The following FSTL4 variants were observed in gnomAD, a reference collection of about 807,000 sequenced individuals.
FSTL4 encodes follistatin-related protein 4.
Under a neutral mutation model 78.2 loss-of-function variants are expected in FSTL4, and 28 were observed. The ratio of observed to expected loss-of-function variants is 0.36; its 90% CI spans 0.27 to 0.49. The LOEUF is 0.49. FSTL4 is among the 20% of genes least tolerant of loss of function. The pLI is 0.98. For synonymous variants in FSTL4, 422 were observed against 440.5 expected (o/e 0.96, Z 0.53); for missense variants, 922 against 1,084.9 (o/e 0.85, Z 2.11).
chr5:133,319,730 C>G (rs932446259), intron 4 of FSTL4, among the ~76,000 whole-genome samples: 3 of 152,322 alleles, frequency 2.0e-5, no homozygotes, highest in East Asian at 1.9e-4. Flanking sequence ...ACTGAGGGCA[C>G]TCCATGCCTG....
intron 3 of FSTL4, among the ~76,000 whole-genome samples, chr5:133,475,324 C>A (rs897237597): frequency 3.9e-5 from 6 of 152,164 alleles, no homozygotes; most frequent in Non-Finnish European, 8.8e-5. Flanking sequence ...AGTAATAGTT[C>A]AACCTCAATC....
At chr5:133,803,963 A>G in the FSTL4 span, among the ~76,000 whole-genome samples, 6 of 152,208 alleles carry the variant, frequency 3.9e-5, no homozygotes, top group Admixed American at 3.3e-4. Flanking sequence ...GGTTTCACCA[A>G]TGGCCTCCAG....
chr5:133,807,999 C>G, the FSTL4 span, among the ~76,000 whole-genome samples: 1 of 152,136 alleles, frequency 6.6e-6, no homozygotes, highest in Non-Finnish European at 1.5e-5. Context: ...CTGTCTCTAC[C>G]CACCAAGCAC....
the FSTL4 span, among the ~76,000 whole-genome samples, chr5:133,649,469 C>T: frequency 6.6e-6 from 1 of 152,310 alleles, no homozygotes; most frequent in East Asian, 1.9e-4. Flanking sequence ...GCCAAAGTGG[C>T]TGTACCATTT....
the FSTL4 span, among the ~76,000 whole-genome samples, chr5:133,704,446 C>T: frequency 1.3e-5 from 2 of 152,244 alleles, no homozygotes; most frequent in East Asian, 3.9e-4. Context: ...AGGGTTCAGG[C>T]CCCCAGGCAG....
chr5:133,251,940 C>T (rs1389920197), intron 6 of FSTL4, among the ~76,000 whole-genome samples: 2 of 152,074 alleles, frequency 1.3e-5, no homozygotes, highest in African/African-American at 4.8e-5. Context: ...ATGAGCACAC[C>T]CAGGGCTGAG....
intron 3 of FSTL4, among the ~76,000 whole-genome samples, chr5:133,425,623 T>C (rs1163305812): frequency 6.6e-6 from 1 of 152,244 alleles, no homozygotes; most frequent in Non-Finnish European, 1.5e-5. Flanking sequence ...GATATTCATT[T>C]CTTTGAATAG....
chr5:133,267,097 T>C (rs1266444492), intron 6 of FSTL4, among the ~76,000 whole-genome samples: 1 of 152,152 alleles, frequency 6.6e-6, no homozygotes, highest in Admixed American at 6.5e-5. Flanking sequence ...TCAGGACCAC[T>C]TTTCCCGGGA....
At chr5:133,706,754 T>C in the FSTL4 span, among the ~76,000 whole-genome samples, 1 of 152,148 alleles carries the variant, frequency 6.6e-6, no homozygotes, top group Non-Finnish European at 1.5e-5. Flanking sequence ...AGAAACAGGA[T>C]GGTTTCATCC....
chr5:133,398,053 T>C (rs1241781575), intron 4 of FSTL4, among the ~76,000 whole-genome samples: 1 of 152,174 alleles, frequency 6.6e-6, no homozygotes, highest in Non-Finnish European at 1.5e-5. Flanking sequence ...CAGGACCCTC[T>C]GTCCCCACAG....
the FSTL4 span, among the ~76,000 whole-genome samples, chr5:133,748,041 A>G: frequency 6.6e-6 from 1 of 152,054 alleles, no homozygotes; most frequent in East Asian, 1.9e-4. Flanking sequence ...CTAAAATACA[A>G]ACATCAGCTG....
the FSTL4 span, among the ~76,000 whole-genome samples, chr5:133,801,404 TCC>T: frequency 3.3e-5 from 5 of 151,972 alleles, no homozygotes; most frequent in African/African-American, 9.7e-5. Context: ...CACCCTTCAT[TCC>T]TCTCTCTCTC....
chr5:133,713,206 C>T, the FSTL4 span, among the ~76,000 whole-genome samples: 3 of 152,122 alleles, frequency 2.0e-5, no homozygotes, highest in Non-Finnish European at 4.4e-5. Flanking sequence ...GATATGTTTA[C>T]TTTTATATTT....
chr5:133,430,532 C>T (rs1484467879), intron 3 of FSTL4, among the ~76,000 whole-genome samples: 2 of 152,136 alleles, frequency 1.3e-5, no homozygotes, highest in African/African-American at 2.4e-5. Flanking sequence ...ACAGATGCAC[C>T]CATGAACTAG....
chr5:133,513,383 G>A (rs919705104), intron 3 of FSTL4, among the ~76,000 whole-genome samples: 2 of 152,134 alleles, frequency 1.3e-5, no homozygotes, highest in African/African-American at 4.8e-5. Context: ...GTTACCACTA[G>A]GACAAGCAGG....
chr5:133,579,946 G>C (rs367613961), intron 2 of FSTL4, among the ~76,000 whole-genome samples: 68 of 152,318 alleles, frequency 4.5e-4, no homozygotes, highest in African/African-American at 1.4e-3. Context: ...AGGTGAGCAA[G>C]CTGGGAAAGG....
At chr5:133,230,660 C>A (rs920934237) in intron 8 of FSTL4, among the ~76,000 whole-genome samples, 1 of 152,164 alleles carries the variant, frequency 6.6e-6, no homozygotes, top group Non-Finnish European at 1.5e-5. Context: ...GATCTGCCTG[C>A]TCCACCTCCG....
the FSTL4 span, among the ~76,000 whole-genome samples, chr5:133,719,019 G>A: frequency 6.6e-6 from 1 of 152,100 alleles, no homozygotes; most frequent in Non-Finnish European, 1.5e-5. Flanking sequence ...AATATTTTGG[G>A]GGGAAAACCT....
chr5:133,586,173 G>A (rs1457094083), intron 2 of FSTL4, among the ~76,000 whole-genome samples: 9 of 81,602 alleles, frequency 1.1e-4, no homozygotes, highest in African/African-American at 4.2e-5. Flanking sequence ...GCCTACAAGA[G>A]AAAGCAGGAA....
Sources: gnomAD v4.1 joint callset for allele counts (sites outside exome capture counted in the v4.1 genomes callset) on GRCh38, gnomAD v4.1.1 for gene constraint, MANE v1.5 for transcripts, NCBI Gene and HGNC (gene_info 2026-07-23, HGNC 2026-07-21) for gene names.